RAPGEF4: variants seen among roughly 807,000 people sequenced by gnomAD.
RAPGEF4 encodes the protein RAP guanine-nucleotide-exchange factor (GEF) 4.
A neutral mutation model predicts 147.9 loss-of-function variants in RAPGEF4; 66 were observed. The observed-to-expected ratio is 0.45, with a 90% CI of 0.37 to 0.55. The LOEUF (loss-of-function observed/expected upper bound fraction) is 0.55, where lower values mean the gene tolerates loss of function less well. RAPGEF4 is among the 20% of genes least tolerant of loss of function. RAPGEF4 has a pLI of 0.00. For synonymous variants in RAPGEF4, 419 were observed against 442.7 expected, an observed-to-expected ratio of 0.95 and a Z score of 0.67; for missense variants, 1,071 against 1,257.3, an observed-to-expected ratio of 0.85 and a Z score of 2.24.
chr2:172,878,890 G>T (rs930144429), intron 4 of RAPGEF4, among the ~76,000 whole-genome samples: 5 of 152,196 alleles, frequency 3.3e-5, no homozygotes, highest in Non-Finnish European at 7.3e-5. Flanking sequence ...TGGCAGTGAT[G>T]GAAGTAATCA....
intron 29 of RAPGEF4, among the ~76,000 whole-genome samples, chr2:173,045,362 G>T (rs541379159): frequency 1.3e-5 from 2 of 152,312 alleles, no homozygotes; most frequent in South Asian, 4.1e-4. Context: ...AAAGAAGAAA[G>T]ATCATAATTT....
At chr2:172,916,576 G>A (rs1373665266) in intron 4 of RAPGEF4, among the ~76,000 whole-genome samples, 2 of 152,214 alleles carry the variant, frequency 1.3e-5, no homozygotes, top group East Asian at 1.9e-4. Flanking sequence ...TATTGGTCCT[G>A]TGGGTATGTC....
chr2:172,739,400 C>G (rs1694107447), intron 1 of RAPGEF4, among the ~76,000 whole-genome samples: 1 of 151,494 alleles, frequency 6.6e-6, no homozygotes, highest in South Asian at 2.1e-4. Context: ...GAGATGGAGT[C>G]TCACTCTGTC....
chr2:172,768,530 AAAAG>A (rs1446474955), intron 1 of RAPGEF4, among the ~76,000 whole-genome samples: 1 of 152,088 alleles, frequency 6.6e-6, no homozygotes, highest in African/African-American at 2.4e-5. Context: ...AGAAAGAAAA[AAAAG>A]CTGTGGATTC....
At chr2:172,810,754 G>C (rs867781459) in intron 3 of RAPGEF4, among the ~76,000 whole-genome samples, 1 of 152,128 alleles carries the variant, frequency 6.6e-6, no homozygotes, top group Non-Finnish European at 1.5e-5. Context: ...GATGCAAGTG[G>C]TAAGTGACAC....
rs1408471136 is a variant in RAPGEF4 at position 172,735,971 on chromosome 2, G to A, written c.-13G>A. 2 of 1,457,826 alleles carry A rather than the reference G, an allele frequency of 1.4e-6. No individual in the cohort carries two copies. The highest frequency in any genetic ancestry group is 2.6e-5 in the South Asian group (2 of 76,594). The allele number at this position is 1,457,826 out of a possible 1,614,324, so 90.3% of individuals were successfully genotyped here. A position where few individuals can be genotyped will look rare whatever the true frequency, so the allele number is the denominator to read the frequency against. On this transcript the variant is annotated 5_prime_UTR_variant, in exon 1 of 31. Coordinates refer to ENST00000397081, the MANE Select transcript of RAPGEF4 (RefSeq NM_007023.4). ...GTCGCCGCAGCCAGGGACACCGCGC[G>A]CCGCCGCTCAACATGGTCGCTGCGC...
chr2:172,770,418 C>G (rs1697242400), intron 1 of RAPGEF4, among the ~76,000 whole-genome samples: 1 of 152,146 alleles, frequency 6.6e-6, no homozygotes, highest in African/African-American at 2.4e-5. Flanking sequence ...TAATATAATA[C>G]CTACCTTTTA....
At chr2:172,946,131 G>T (rs1687655905) in intron 6 of RAPGEF4, among the ~76,000 whole-genome samples, 1 of 152,144 alleles carries the variant, frequency 6.6e-6, no homozygotes. Context: ...AATTTTGATG[G>T]TTACAAAGAG....
chr2:172,953,044 C>A (rs1021892986), intron 6 of RAPGEF4, among the ~76,000 whole-genome samples: 1 of 152,012 alleles, frequency 6.6e-6, no homozygotes, highest in African/African-American at 2.4e-5. Flanking sequence ...TTCCTTCGTC[C>A]GGTTTTACAG....
intron 10 of RAPGEF4, among the ~76,000 whole-genome samples, chr2:172,968,097 C>T (rs962129893): frequency 1.3e-5 from 2 of 152,166 alleles, no homozygotes; most frequent in South Asian, 2.1e-4. Context: ...ATTAAGCCCC[C>T]GTTTGATGCA....
intron 1 of RAPGEF4, among the ~76,000 whole-genome samples, chr2:172,742,729 G>C (rs747109519): frequency 6.6e-6 from 1 of 152,180 alleles, no homozygotes; most frequent in Non-Finnish European, 1.5e-5. Context: ...GTTAAATTCT[G>C]TTGTGCTGAT....
At chr2:172,974,228 A>G (rs1455135438) in intron 10 of RAPGEF4, among the ~76,000 whole-genome samples, 1 of 152,186 alleles carries the variant, frequency 6.6e-6, no homozygotes, top group East Asian at 1.9e-4. Flanking sequence ...TCCACAAAAC[A>G]CTAGACTCAG....
At chr2:172,825,654 A>G (rs546961988) in intron 4 of RAPGEF4, among the ~76,000 whole-genome samples, 2 of 152,300 alleles carry the variant, frequency 1.3e-5, no homozygotes, top group African/African-American at 4.8e-5. Context: ...CCCTCTTAGA[A>G]TTTCTGCAAA....
chr2:172,912,543 T>C (rs1187856252), intron 4 of RAPGEF4, among the ~76,000 whole-genome samples: 1 of 152,240 alleles, frequency 6.6e-6, no homozygotes, highest in Non-Finnish European at 1.5e-5. Flanking sequence ...ATCTTTGTCA[T>C]GAGGCCCTTT....
At chr2:172,798,650 T>TTTTTTTTTTTTTTTTTTTTTTTTG (rs1440840943) in intron 3 of RAPGEF4, among the ~76,000 whole-genome samples, 314 of 152,024 alleles carry the variant, frequency 2.1e-3, no homozygotes, top group Non-Finnish European at 2.6e-3. Context: ...GGCTTTTTCA[T>TTTTTTTTTTTTTTTTTTTTTTTTG]AGGTAGCACA....
intron 1 of RAPGEF4, among the ~76,000 whole-genome samples, chr2:172,784,276 T>C (rs1002898247): frequency 1.3e-5 from 2 of 152,176 alleles, no homozygotes; most frequent in African/African-American, 4.8e-5. Flanking sequence ...CCCAGCACTT[T>C]GGGAAGCTGA....
chr2:172,959,145 A>C (rs997841807), intron 6 of RAPGEF4, among the ~76,000 whole-genome samples: 3 of 152,228 alleles, frequency 2.0e-5, no homozygotes, highest in Non-Finnish European at 4.4e-5. Flanking sequence ...TGGTTAAAAA[A>C]CACCTTAATA....
At chr2:173,025,348 G>A (rs1307078158) in intron 23 of RAPGEF4, among the ~76,000 whole-genome samples, 2 of 152,220 alleles carry the variant, frequency 1.3e-5, no homozygotes, top group African/African-American at 2.4e-5. Flanking sequence ...ATACAGTGAT[G>A]ATGATGAAAA....
chr2:173,014,495 C>T lies in RAPGEF4; in HGVS notation c.1690C>T (p.Gln564Ter), dbSNP rs1288966690. The T allele has an allele frequency of 1.2e-6, 2 of 1,614,092 alleles. No homozygotes were observed. The highest frequency in any genetic ancestry group is 1.1e-5 in the South Asian group (1 of 91,058). ...YHAQPSQGTE[Q>*]EKMDYALNNK... ...CGCACAGCCTTCACAAGGTACAGAA[C>T]AGGAGAAAATGGATTATGCCCTCAA... Residue 564 changes from glutamine to a stop codon, truncating the protein, a stop_gained, in exon 18 of 31, where the codon CAG becomes TAG. Transcript: ENST00000397081. LOFTEE classifies it high-confidence loss of function.
Sources: allele counts gnomAD v4.1 joint callset (sites outside exome capture counted in the v4.1 genomes callset), GRCh38; gene constraint gnomAD v4.1.1; transcripts MANE v1.5; gene names NCBI Gene and HGNC (gene_info 2026-07-23, HGNC 2026-07-21).